Variants in GPC5 observed in about 807,000 individuals in gnomAD.
GPC5 encodes glypican-5.
In GPC5, 47 loss-of-function variants were observed where a neutral mutation model predicts 53.9. That is an observed-to-expected ratio of 0.87 (90% CI 0.69 to 1.11). GPC5 has a LOEUF of 1.11. Among genes scored for constraint, GPC5 ranks in the 50% most tolerant of loss-of-function variants. GPC5 has a pLI of 0.00. For synonymous variants in GPC5, 286 were observed against 263.3 expected (o/e 1.09, Z -0.84); for missense variants, 748 against 713.1 (o/e 1.05, Z -0.56).
intron 1 of GPC5, among the ~76,000 whole-genome samples, chr13:91,428,937 TGA>T (rs1014866586): frequency 6.6e-6 from 1 of 152,186 alleles, no homozygotes; most frequent in African/African-American, 2.4e-5. Flanking sequence ...CTTTTCTTTT[TGA>T]GAGAGAGTCT....
intron 6 of GPC5, among the ~76,000 whole-genome samples, chr13:92,035,132 G>A (rs998965820): frequency 9.9e-5 from 15 of 151,230 alleles, no homozygotes; most frequent in African/African-American, 3.6e-4. Context: ...GGAGAATGGC[G>A]TGAACCCGGG....
chr13:92,865,468 G>A (rs1879308087), intron 7 of GPC5, among the ~76,000 whole-genome samples: 1 of 152,126 alleles, frequency 6.6e-6, no homozygotes, highest in African/African-American at 2.4e-5. Context: ...AGTCATAAAA[G>A]GGGAAAGTAA....
At chr13:92,721,264 T>C (rs773456879) in intron 7 of GPC5, among the ~76,000 whole-genome samples, 9 of 151,914 alleles carry the variant, frequency 5.9e-5, no homozygotes, top group Non-Finnish European at 1.2e-4. Flanking sequence ...GGGTTCCAAA[T>C]GCTACCAATA....
intron 2 of GPC5, among the ~76,000 whole-genome samples, chr13:91,691,426 A>G (rs1010730902): frequency 2.6e-5 from 4 of 152,116 alleles, no homozygotes; most frequent in Admixed American, 2.6e-4. Context: ...GCTGGCTGAC[A>G]TGATAGAGCT....
intron 6 of GPC5, among the ~76,000 whole-genome samples, chr13:91,922,912 C>A (rs539486992): frequency 3.5e-4 from 54 of 152,228 alleles, no homozygotes; most frequent in African/African-American, 1.3e-3. Flanking sequence ...AGAAACCTCT[C>A]TAGCTTTTTC....
intron 7 of GPC5, among the ~76,000 whole-genome samples, chr13:92,726,987 T>G (rs74864730): frequency 0.025 from 3,853 of 151,550 alleles, 69 homozygotes; most frequent in Non-Finnish European, 0.039. Flanking sequence ...AACATAAAAT[T>G]TAAATATACT....
chr13:92,775,508 T>C (rs1345567061), intron 7 of GPC5, among the ~76,000 whole-genome samples: 4 of 152,146 alleles, frequency 2.6e-5, no homozygotes, highest in Non-Finnish European at 2.9e-5. Context: ...AAAAAATTTA[T>C]GCTTTTTTTA....
chr13:91,819,871 T>C (rs1194512858), intron 5 of GPC5, among the ~76,000 whole-genome samples: 2 of 152,238 alleles, frequency 1.3e-5, no homozygotes, highest in Non-Finnish European at 1.5e-5. Context: ...TGATATGAGA[T>C]GACATCTCCA....
chr13:91,546,702 G>A (rs551050975), intron 2 of GPC5, among the ~76,000 whole-genome samples: 1 of 152,196 alleles, frequency 6.6e-6, no homozygotes, highest in East Asian at 1.9e-4. Flanking sequence ...GCAAAATGAA[G>A]CTTGAACAAG....
chr13:92,415,005 G>A (rs1342585412), intron 7 of GPC5, among the ~76,000 whole-genome samples: 6 of 152,150 alleles, frequency 3.9e-5, no homozygotes, highest in African/African-American at 1.2e-4. Flanking sequence ...GGGCTAGGAT[G>A]TATCAGAAAA....
intron 2 of GPC5, among the ~76,000 whole-genome samples, chr13:91,510,858 G>A (rs901296485): frequency 4.0e-5 from 6 of 151,868 alleles, no homozygotes; most frequent in African/African-American, 1.5e-4. Context: ...TATTTTGTGG[G>A]TTATTAGTTC....
At position 92,385,415 on chromosome 13, in the gene GPC5, T is replaced by TACAC. The variant is rs2043788812; in HGVS notation, c.1561+240427_1561+240428insCACA. ...ACATATATACACATATATACACATA[T>TACAC]ATATACATATATACATATATACATA... On this transcript the variant is annotated intron_variant, in intron 7 of 7. Coordinates refer to ENST00000377067, the MANE Select transcript of GPC5 (RefSeq NM_004466.6). 2.3e-4 allele frequency among the ~76,000 whole-genome samples: 5 copies of TACAC among 21,646 alleles called. No homozygotes were observed. The Admixed American group carries it at 2.5e-3, about 11-fold the overall frequency. The allele number at this position is 21,646 out of a possible 152,430, so 14.2% of individuals were successfully genotyped here.
intron 2 of GPC5, among the ~76,000 whole-genome samples, chr13:91,472,647 C>A (rs1478435980): frequency 6.6e-6 from 1 of 152,038 alleles, no homozygotes; most frequent in Non-Finnish European, 1.5e-5. Context: ...TATAGTAAGA[C>A]TGTTTGTAAA....
intron 7 of GPC5, among the ~76,000 whole-genome samples, chr13:92,313,563 A>G (rs1383202683): frequency 1.3e-5 from 2 of 152,212 alleles, no homozygotes; most frequent in Non-Finnish European, 2.9e-5. Flanking sequence ...TGATTGTGCC[A>G]GAAGTTGTTT....
intron 7 of GPC5, among the ~76,000 whole-genome samples, chr13:92,460,526 T>C (rs1220801697): frequency 1.3e-5 from 2 of 152,192 alleles, no homozygotes; most frequent in Admixed American, 6.5e-5. Flanking sequence ...ATTTTATGAT[T>C]ATATGTCCTA....
chr13:91,428,103 A>G (rs1253361443), intron 1 of GPC5, among the ~76,000 whole-genome samples: 1 of 152,150 alleles, frequency 6.6e-6, no homozygotes, highest in East Asian at 1.9e-4. Flanking sequence ...GGACTAACAC[A>G]ATGTGTTTAT....
intron 6 of GPC5, among the ~76,000 whole-genome samples, chr13:92,124,115 T>A (rs547405438): frequency 5.6e-4 from 84 of 151,296 alleles, no homozygotes; most frequent in Non-Finnish European, 9.4e-4. Context: ...TTACTACAGT[T>A]AACTTTGTGC....
chr13:92,008,284 G>C (rs973669144), intron 6 of GPC5, among the ~76,000 whole-genome samples: 11 of 151,868 alleles, frequency 7.2e-5, no homozygotes, highest in Non-Finnish European at 1.6e-4. Flanking sequence ...GGATGGTCTG[G>C]ATCTCCTGAC....
intron 2 of GPC5, among the ~76,000 whole-genome samples, chr13:91,532,140 T>A (rs1886378179): frequency 6.6e-6 from 1 of 152,170 alleles, no homozygotes; most frequent in Non-Finnish European, 1.5e-5. Flanking sequence ...GACACTTGAA[T>A]GAAGAGTTTA....
Sources: gnomAD v4.1 joint callset for allele counts (sites outside exome capture counted in the v4.1 genomes callset) on GRCh38, gnomAD v4.1.1 for gene constraint, MANE v1.5 for transcripts, NCBI Gene and HGNC (gene_info 2026-07-23, HGNC 2026-07-21) for gene names.